The following DLG2 variants were observed in gnomAD, a reference collection of about 807,000 sequenced individuals.
DLG2 encodes the protein discs large MAGUK scaffold protein 2, also known as disks large homolog 2.
Under a neutral mutation model 132.5 loss-of-function variants are expected in DLG2, and 45 were observed. The observed-to-expected ratio is 0.34, with a 90% CI of 0.27 to 0.44. The LOEUF (loss-of-function observed/expected upper bound fraction) is 0.44, where lower values mean the gene tolerates loss of function less well. DLG2 is among the 20% of genes least tolerant of loss of function. The pLI is 1.00. For synonymous variants in DLG2, 424 were observed against 419.6 expected (o/e 1.01, Z -0.13); for missense variants, 1,045 against 1,196.9 (o/e 0.87, Z 1.87).
chr11:84,220,749 G>T (rs1344191331), intron 8 of DLG2, among the ~76,000 whole-genome samples: 3 of 147,462 alleles, frequency 2.0e-5, no homozygotes, highest in East Asian at 2.0e-4. Flanking sequence ...AGCTTAAAAA[G>T]TGTCACGTGC....
At chr11:83,915,123 G>A (rs971582616) in intron 15 of DLG2, among the ~76,000 whole-genome samples, 2 of 152,160 alleles carry the variant, frequency 1.3e-5, no homozygotes, top group East Asian at 1.9e-4. Context: ...AGGCAACAGA[G>A]GCAAGTGTAC....
chr11:84,922,905 C>T (rs2092824421), intron 6 of DLG2, among the ~76,000 whole-genome samples: 1 of 151,670 alleles, frequency 6.6e-6, no homozygotes, highest in South Asian at 2.1e-4. Context: ...TTCCAACATG[C>T]TCCCCCAGCG....
At chr11:84,770,401 A>G (rs1405958858) in intron 6 of DLG2, among the ~76,000 whole-genome samples, 1 of 152,050 alleles carries the variant, frequency 6.6e-6, no homozygotes, top group East Asian at 1.9e-4. Flanking sequence ...AGGTTATTTC[A>G]TCACCAAGGT....
chr11:84,168,364 CCTT>C (rs2095721661), intron 8 of DLG2, among the ~76,000 whole-genome samples: 1 of 152,210 alleles, frequency 6.6e-6, no homozygotes, highest in South Asian at 2.1e-4. Context: ...TAATCCTTCT[CCTT>C]ATTATAAGTA....
At chr11:85,486,385 C>A (rs1298190798) in intron 3 of DLG2, among the ~76,000 whole-genome samples, 1 of 152,196 alleles carries the variant, frequency 6.6e-6, no homozygotes, top group Non-Finnish European at 1.5e-5. Context: ...AGGGAACATT[C>A]CACCAGTACA....
chr11:84,053,029 G>T (rs1371321479), intron 11 of DLG2, among the ~76,000 whole-genome samples: 1 of 151,974 alleles, frequency 6.6e-6, no homozygotes, highest in African/African-American at 2.4e-5. Context: ...GCCCATCAAT[G>T]ACAGACTGGA....
chr11:84,530,312 G>A (rs1486184569), intron 7 of DLG2, among the ~76,000 whole-genome samples: 4 of 152,120 alleles, frequency 2.6e-5, no homozygotes, highest in African/African-American at 9.7e-5. Flanking sequence ...TTAAACTTAA[G>A]AGCTTCTACA....
chr11:84,850,876 A>T (rs754933852), intron 6 of DLG2, among the ~76,000 whole-genome samples: 12 of 152,138 alleles, frequency 7.9e-5, no homozygotes, highest in Non-Finnish European at 1.8e-4. Context: ...ACAAAATATC[A>T]TTGAAAAAAT....
intron 4 of DLG2, among the ~76,000 whole-genome samples, chr11:85,278,387 A>G (rs887402823): frequency 3.3e-5 from 5 of 152,170 alleles, no homozygotes; most frequent in African/African-American, 1.2e-4. Context: ...AGATCACCTG[A>G]GGTTGGGAGT....
At chr11:83,740,860 C>T (rs1288954535) in intron 18 of DLG2, among the ~76,000 whole-genome samples, 2 of 152,092 alleles carry the variant, frequency 1.3e-5, no homozygotes, top group Non-Finnish European at 2.9e-5. Context: ...TCTCTGCATA[C>T]TAAAACACAT....
chr11:83,520,732 T>TAGATAGATAGATAGAC (rs1384603040), intron 21 of DLG2, among the ~76,000 whole-genome samples: 22 of 139,434 alleles, frequency 1.6e-4, no homozygotes, highest in African/African-American at 5.7e-4. Flanking sequence ...GATAGATAGA[T>TAGATAGATAGATAGAC]AGATAGAGTG....
At chr11:85,493,714 G>A (rs542316568) in intron 3 of DLG2, among the ~76,000 whole-genome samples, 1 of 148,306 alleles carries the variant, frequency 6.7e-6, no homozygotes. Flanking sequence ...AGAAAAGGAG[G>A]GGAGGGTAGG....
At chr11:83,748,557 T>C (rs1383101386) in intron 18 of DLG2, among the ~76,000 whole-genome samples, 1 of 152,172 alleles carries the variant, frequency 6.6e-6, no homozygotes, top group African/African-American at 2.4e-5. Flanking sequence ...AGTGAGTACA[T>C]GACAATCACA....
intron 3 of DLG2, among the ~76,000 whole-genome samples, chr11:85,481,097 A>C (rs1038881704): frequency 3.9e-5 from 6 of 152,010 alleles, no homozygotes; most frequent in African/African-American, 1.5e-4. Context: ...AAATTCCCTC[A>C]CTTTCTTCAT....
chr11:84,693,202 A>C (rs1041873608), intron 6 of DLG2, among the ~76,000 whole-genome samples: 1 of 151,842 alleles, frequency 6.6e-6, no homozygotes, highest in Non-Finnish European at 1.5e-5. Context: ...TTGATGTGGA[A>C]AGTAAGACCA....
chr11:84,181,771 A>G (rs966534433), intron 8 of DLG2, among the ~76,000 whole-genome samples: 1 of 152,212 alleles, frequency 6.6e-6, no homozygotes, highest in African/African-American at 2.4e-5. Context: ...AAGATAAATT[A>G]TCAGAGATAA....
intron 16 of DLG2, among the ~76,000 whole-genome samples, chr11:83,872,955 C>G (rs2063764366): frequency 6.6e-6 from 1 of 152,176 alleles, no homozygotes; most frequent in African/African-American, 2.4e-5. Flanking sequence ...TCCCAAACAG[C>G]AGGTTATTGA....
chr11:83,926,120 A>G, intron 15 of DLG2, among the ~76,000 whole-genome samples: 1 of 150,710 alleles, frequency 6.6e-6, no homozygotes, highest in African/African-American at 2.5e-5. Flanking sequence ...TTTTCTTTTA[A>G]ACGGTCTTAC....
intron 9 of DLG2, among the ~76,000 whole-genome samples, chr11:84,107,555 C>A (rs2093052561): frequency 6.6e-6 from 1 of 151,994 alleles, no homozygotes; most frequent in Admixed American, 6.6e-5. Flanking sequence ...CACATACACA[C>A]ACATTATACT....
Sources: gnomAD v4.1 joint callset for allele counts (sites outside exome capture counted in the v4.1 genomes callset) on GRCh38, gnomAD v4.1.1 for gene constraint, MANE v1.5 for transcripts, NCBI Gene and HGNC (gene_info 2026-07-23, HGNC 2026-07-21) for gene names.